The following ZNF723 variants were observed in gnomAD, a reference collection of about 807,000 sequenced individuals.
The protein encoded by ZNF723 is zinc finger protein 723, pseudogene.
ZNF723 carries 5 observed loss-of-function variants against 9.4 expected under a neutral mutation model. That is an observed-to-expected ratio of 0.53 (90% CI 0.28 to 1.12). The LOEUF (loss-of-function observed/expected upper bound fraction) is 1.12, where lower values mean the gene tolerates loss of function less well. ZNF723 is among the 50% of genes most tolerant of loss of function. ZNF723 has a pLI of 0.10. For missense variants in ZNF723, 450 were observed against 501.5 expected, an observed-to-expected ratio of 0.90 and a Z score of 0.98; for synonymous variants, 158 against 168.8, an observed-to-expected ratio of 0.94 and a Z score of 0.49.
At chr19:22,836,009 A>G (rs1285509855) in intron 1 of ZNF723, among the ~76,000 whole-genome samples, 1 of 152,178 alleles carries the variant, frequency 6.6e-6, no homozygotes. Flanking sequence ...TCATATGAAC[A>G]CTGTGTTTCA....
chr19:22,827,272 A>T, the ZNF723 span, among the ~76,000 whole-genome samples: 1 of 152,264 alleles, frequency 6.6e-6, no homozygotes, highest in African/African-American at 2.4e-5. Context: ...CACATGGTAG[A>T]ATACATTGTG....
chr19:22,856,012 T>G (rs1166349663), intron 3 of ZNF723, among the ~76,000 whole-genome samples: 1 of 152,102 alleles, frequency 6.6e-6, no homozygotes, highest in Non-Finnish European at 1.5e-5. Flanking sequence ...CAGGCTGGAG[T>G]GCAATGGCGT....
At chr19:22,836,511 G>C (rs957141133) in intron 1 of ZNF723, among the ~76,000 whole-genome samples, 4 of 152,160 alleles carry the variant, frequency 2.6e-5, no homozygotes, top group African/African-American at 9.6e-5. Context: ...TTAGAAAGAA[G>C]GTGGTAGGGG....
chr19:22,849,290 C>T lies in ZNF723; in HGVS notation c.223C>T (p.Pro75Ser). The change falls in exon 3 of 4, where the codon CCA becomes TCA. Residue 75 changes from proline (P) to serine (S), a missense_variant. Coordinates refer to ENST00000600766, the MANE Select transcript of ZNF723 (RefSeq NM_001349726.2). ...GAGACACAAGATGGTAGCCAAGCCC[C>T]CAGGTAGGTGGAGAGTGAACACAAT... ...MKRHKMVAKP[P>S]VVCSHFAQDL... 1 of 582,694 alleles carries T rather than the reference C, an allele frequency of 1.7e-6. No individual in the cohort carries two copies. Among genetic ancestry groups the T allele is most frequent in the Non-Finnish European group, 3.1e-6 (1 of 323,976 alleles). 36.1% of individuals were successfully genotyped at this position (582,694 alleles called of 1,614,324 possible). A position where few individuals can be genotyped will look rare whatever the true frequency, so the allele number is the denominator to read the frequency against.
At chr19:22,844,294 A>G (rs1258230866) in intron 1 of ZNF723, among the ~76,000 whole-genome samples, 1 of 152,170 alleles carries the variant, frequency 6.6e-6, no homozygotes, top group African/African-American at 2.4e-5. Flanking sequence ...AAAAAAATAT[A>G]AACACAATAA....
chr19:22,814,816 G>A, the ZNF723 span, among the ~76,000 whole-genome samples: 47 of 152,190 alleles, frequency 3.1e-4, no homozygotes, highest in African/African-American at 9.6e-4. Context: ...CCTAGGTGAC[G>A]TGAGCCTATA....
At chr19:22,848,102 TAAAAAA>T (rs35396612) in intron 1 of ZNF723, among the ~76,000 whole-genome samples, 153 bp from the exon 2 acceptor site, 2 of 137,214 alleles carry the variant, frequency 1.5e-5, no homozygotes, top group South Asian at 4.7e-4. Flanking sequence ...GACTCTGTCT[TAAAAAA>T]AAAAAAAAAA....
At chr19:22,817,823 A>C in the ZNF723 span, among the ~76,000 whole-genome samples, 96 of 152,134 alleles carry the variant, frequency 6.3e-4, no homozygotes, top group Non-Finnish European at 5.9e-4. Context: ...GGTGAGTACC[A>C]CTGTCTCACA....
intron 1 of ZNF723, 137 bp from the exon 2 acceptor site, chr19:22,848,124 A>G (rs1967339450): frequency 2.6e-6 from 1 of 386,884 alleles, no homozygotes; most frequent in Non-Finnish European, 4.6e-6. Flanking sequence ...AAAAAAAATT[A>G]TTGGAGGATT....
the ZNF723 span, among the ~76,000 whole-genome samples, chr19:22,819,892 G>C: frequency 2.6e-5 from 4 of 152,112 alleles, no homozygotes; most frequent in Non-Finnish European, 5.9e-5. Flanking sequence ...TGTGTATTGT[G>C]ACATATGTGT....
intron 1 of ZNF723, among the ~76,000 whole-genome samples, chr19:22,839,149 T>C (rs1967206821): frequency 6.6e-6 from 1 of 152,204 alleles, no homozygotes; most frequent in Non-Finnish European, 1.5e-5. Context: ...ATTACAGGCA[T>C]GAGCCACCGC....
chr19:22,833,949 C>T (rs374634), intron 1 of ZNF723, among the ~76,000 whole-genome samples: 21,319 of 72,042 alleles, frequency 0.3, 2,153 homozygotes, highest in African/African-American at 0.41. Context: ...TTTTTTTTTT[C>T]CGAGTCTCCT....
chr19:22,820,422 A>G, the ZNF723 span, among the ~76,000 whole-genome samples: 9 of 152,258 alleles, frequency 5.9e-5, no homozygotes, highest in African/African-American at 1.9e-4. Context: ...GCAGAAAACC[A>G]GATGATGTGA....
Position 22,857,694 on chromosome 19 carries a change from T to G in ZNF723, c.803T>G (p.Met268Arg). Residue 268 changes from methionine (M) to arginine (R), a missense_variant, in exon 4 of 4, where the codon ATG becomes AGG. Coordinates refer to ENST00000600766, the MANE Select transcript of ZNF723 (RefSeq NM_001349726.2). ...KCEECGKTFNMFSSLNNHKRI... is the reference protein window; with the variant it reads ...KCEECGKTFNRFSSLNNHKRI... ...GAAGAATGTGGCAAAACCTTTAATA[T>G]GTTCTCAAGCCTTAATAATCATAAG... The G allele has an allele frequency of 7.9e-7, 1 of 1,262,320 alleles. No individual in the cohort carries two copies. The highest frequency in any genetic ancestry group is 1.5e-5 in the African/African-American group (1 of 66,784). The allele number at this position is 1,262,320 out of a possible 1,614,324, so 78.2% of individuals were successfully genotyped here. A position where few individuals can be genotyped will look rare whatever the true frequency, so the allele number is the denominator to read the frequency against.
chr19:22,815,951 T>C, the ZNF723 span, among the ~76,000 whole-genome samples: 1 of 152,178 alleles, frequency 6.6e-6, no homozygotes, highest in African/African-American at 2.4e-5. Context: ...ACAGTTCAGA[T>C]TGTGACTGTC....
chr19:22,841,294 G>C (rs1410284769), intron 1 of ZNF723, among the ~76,000 whole-genome samples: 2 of 152,166 alleles, frequency 1.3e-5, no homozygotes, highest in Admixed American at 6.6e-5. Flanking sequence ...CGATGGCCTT[G>C]CCAATTGCCA....
chr19:22,829,047 C>T (rs1967065870), upstream of ZNF723, among the ~76,000 whole-genome samples: 1 of 151,958 alleles, frequency 6.6e-6, no homozygotes, highest in Non-Finnish European at 1.5e-5. Flanking sequence ...GTGGCAGGCA[C>T]CTGTAATCAC....
Position 22,850,757 on chromosome 19 carries a change from G to A in ZNF723, c.226+1464G>A, listed in dbSNP as rs138621895. Among the ~76,000 whole-genome samples, 449 of 152,046 alleles carry A rather than the reference G, an allele frequency of 3.0e-3. 2 individuals carry two copies. Among genetic ancestry groups the A allele is most frequent in the East Asian group, 0.011 (58 of 5,184 alleles). ...AAGAGTTTATTATTTTTTTAGATAC[G>A]TTTTTTCTCATTTCCTGTTTTACTG... On this transcript the variant is annotated intron_variant, in intron 3 of 3. Coordinates refer to ENST00000600766, the MANE Select transcript of ZNF723 (RefSeq NM_001349726.2).
intron 1 of ZNF723, among the ~76,000 whole-genome samples, chr19:22,834,841 A>T (rs146426776): frequency 5.3e-5 from 8 of 152,254 alleles, no homozygotes; most frequent in Non-Finnish European, 1.2e-4. Context: ...AAAAAATAGT[A>T]TCCCCAAAGA....
Sources: allele counts gnomAD v4.1 joint callset (sites outside exome capture counted in the v4.1 genomes callset), GRCh38; gene constraint gnomAD v4.1.1; transcripts MANE v1.5; gene names NCBI Gene and HGNC (gene_info 2026-07-23, HGNC 2026-07-21).